Variants in ADGRV1 observed in about 807,000 individuals in gnomAD.
ADGRV1 encodes adhesion G protein-coupled receptor V1, also known as G-protein coupled receptor 98.
In ADGRV1, 359 loss-of-function variants were observed where a neutral mutation model predicts 596.2. The observed-to-expected ratio is 0.60, with a 90% CI of 0.55 to 0.66. ADGRV1 has a LOEUF of 0.66. Ranked by LOEUF, ADGRV1 falls within the 30% of genes least tolerant of loss-of-function variation. ADGRV1 has a pLI of 0.00. For synonymous variants in ADGRV1, 2,681 were observed against 2,679.2 expected (o/e 1.00, Z -0.02); for missense variants, 7,274 against 7,575.6 (o/e 0.96, Z 1.48).
At chr5:90,783,398 C>T in intron 66 of ADGRV1, 73 bp downstream of exon 66, 1 of 1,015,952 alleles carries the variant, frequency 9.8e-7, no homozygotes, top group South Asian at 1.4e-5. Flanking sequence ...ATATGTTTTG[C>T]ACTGACAATA....
Position 90,619,109 on chromosome 5 carries a change from T to G in ADGRV1, c.381T>G (p.Leu127=). 1 of 1,474,034 alleles carries G rather than the reference T, an allele frequency of 6.8e-7. No individual in the cohort carries two copies. The highest frequency in any genetic ancestry group is 9.1e-7 in the Non-Finnish European group (1 of 1,104,556). 91.3% of individuals were successfully genotyped at this position (1,474,034 alleles called of 1,614,324 possible). ...TLQKPSANVK[L]GWPRTVTVTI... Reference sequence around the variant, plus strand: ...AGAAACCTTCAGCAAATGTGAAGCTTGGATGGCCAAGGACTGTTACTGTGA... The same window carrying G: ...AGAAACCTTCAGCAAATGTGAAGCTGGGATGGCCAAGGACTGTTACTGTGA... Residue 127 remains leucine (L), a synonymous_variant, in exon 4 of 90, where the codon CTT becomes CTG. Transcript: ENST00000405460.
At chr5:91,031,433 A>G (rs991985248) in intron 85 of ADGRV1, 125 of 778,850 alleles carry the variant, frequency 1.6e-4, no homozygotes, top group Admixed American at 1.1e-4. Flanking sequence ...GGCCAGCATT[A>G]AAGAGTCACT....
intron 79 of ADGRV1, 69 bp downstream of exon 79, chr5:90,848,890 A>G: frequency 2.8e-6 from 3 of 1,088,706 alleles, no homozygotes; most frequent in South Asian, 3.2e-5. Context: ...AGCAATATGT[A>G]ATGCAAAATG....
rs190829393 is a variant in ADGRV1 at position 90,965,583 on chromosome 5, G to A, written c.17973+52G>A. On this transcript the variant is annotated intron_variant, in intron 84 of 89. Transcript: ENST00000405460. ...CCCTTTAATCTTTTAATGAATCTGG[G>A]TGGAGTGGTCTTAATGTCTGATACT... 14 of 1,051,346 alleles carry A rather than the reference G, an allele frequency of 1.3e-5. No homozygotes were observed. In the East Asian group the frequency reaches 2.9e-4, roughly 22 times the overall value. 65.1% of individuals were successfully genotyped at this position (1,051,346 alleles called of 1,614,324 possible).
At chr5:90,812,940 A>G (rs979112845) in intron 74 of ADGRV1, among the ~76,000 whole-genome samples, 10 of 151,248 alleles carry the variant, frequency 6.6e-5, no homozygotes, top group Admixed American at 4.0e-4. Context: ...GACCATCCTG[A>G]CTAACACGGT....
At chr5:90,706,463 G>A in intron 38 of ADGRV1, 69 bp downstream of exon 38, 1 of 1,337,302 alleles carries the variant, frequency 7.5e-7, no homozygotes, top group Non-Finnish European at 1.0e-6. Context: ...TATACTTTAA[G>A]TTTTAGTGTA....
intron 75 of ADGRV1, among the ~76,000 whole-genome samples, chr5:90,820,030 A>G (rs1246964664): frequency 6.6e-6 from 1 of 151,550 alleles, no homozygotes; most frequent in African/African-American, 2.4e-5. Context: ...AAAGTCTCCC[A>G]TTATTAATGT....
At chr5:91,007,561 T>A (rs898746215) in intron 85 of ADGRV1, among the ~76,000 whole-genome samples, 2 of 152,186 alleles carry the variant, frequency 1.3e-5, no homozygotes, top group African/African-American at 4.8e-5. Context: ...AATGTTTTTC[T>A]TGATAATATT....
intron 70 of ADGRV1, among the ~76,000 whole-genome samples, chr5:90,799,846 C>T (rs1299425890): frequency 6.6e-6 from 1 of 152,034 alleles, no homozygotes; most frequent in Non-Finnish European, 1.5e-5. Context: ...CCTATTTAAT[C>T]AATGCTGTTG....
intron 27 of ADGRV1, among the ~76,000 whole-genome samples, chr5:90,682,460 A>G (rs1237721760): frequency 6.6e-6 from 1 of 152,046 alleles, no homozygotes; most frequent in East Asian, 1.9e-4. Context: ...AATAACAATA[A>G]CTCTATATGA....
chr5:91,078,121 T>C (rs1789010051), intron 86 of ADGRV1, among the ~76,000 whole-genome samples: 1 of 152,190 alleles, frequency 6.6e-6, no homozygotes. Flanking sequence ...ATCTCTTACA[T>C]GGGAGCATTA....
chr5:90,580,137 A>T lies in ADGRV1; in HGVS notation c.22+21220A>T, dbSNP rs141584196. On this transcript the variant is annotated intron_variant, in intron 1 of 89. Coordinates refer to ENST00000405460, the MANE Select transcript of ADGRV1 (RefSeq NM_032119.4). ...TTTAAGGTTAATATTGTTATGTGTG[A>T]ATTTGATCCTGTCATTATGATGTTA... Among the ~76,000 whole-genome samples, 1,399 of 152,270 alleles carry T rather than the reference A, an allele frequency of 9.2e-3. 12 individuals carry two copies. Among genetic ancestry groups the T allele is most frequent in the African/African-American group, 0.032 (1,333 of 41,548 alleles).
chr5:90,709,992 C>T (rs1182271849), intron 39 of ADGRV1, among the ~76,000 whole-genome samples: 1 of 152,070 alleles, frequency 6.6e-6, no homozygotes. Context: ...CGTAATATGC[C>T]CCAAATCACA....
In ADGRV1 at chr5:91,104,922, C is replaced by T. The variant is rs376634886; in HGVS notation, c.18432+2582C>T. On this transcript the variant is annotated intron_variant, in intron 87 of 89. Transcript: ENST00000405460. ...TCACCCAGGCTGGAATGCAGTGGCG[C>T]GAACTCAGCTCACTGCAACCTCCAC... 1.4e-4 allele frequency among the ~76,000 whole-genome samples: 21 copies of T among 146,572 alleles called. No individual in the cohort carries two copies. The South Asian group carries it at 2.2e-3, about 15-fold the overall frequency.
rs573992794 is a variant in ADGRV1 at position 91,031,007 on chromosome 5, T to C, written c.18153-41440T>C. 18 of 1,483,608 alleles carry C rather than the reference T, an allele frequency of 1.2e-5. No homozygotes were observed. In the Admixed American group the frequency reaches 4.1e-4, roughly 34 times the overall value. 91.9% of individuals were successfully genotyped at this position (1,483,608 alleles called of 1,614,324 possible). ...TTTTATATGTCAATCAGTTGTAGTC[T>C]GCTGATCTGATTAGAAACCTTGACA... On this transcript the variant is annotated intron_variant, in intron 85 of 89. Transcript: ENST00000405460.
intron 83 of ADGRV1, among the ~76,000 whole-genome samples, chr5:90,875,253 A>G (rs1374820923): frequency 6.6e-6 from 1 of 152,246 alleles, no homozygotes; most frequent in African/African-American, 2.4e-5. Context: ...GTAGTGATCT[A>G]CATCTTTTAT....
At chr5:91,090,968 C>A (rs1790333135) in intron 86 of ADGRV1, among the ~76,000 whole-genome samples, 1 of 152,052 alleles carries the variant, frequency 6.6e-6, no homozygotes, top group South Asian at 2.1e-4. Flanking sequence ...TAAAAGTTTT[C>A]TTTCAAGATT....
At chr5:90,978,215 A>C (rs1002761629) in intron 84 of ADGRV1, among the ~76,000 whole-genome samples, 2 of 152,008 alleles carry the variant, frequency 1.3e-5, no homozygotes, top group African/African-American at 4.8e-5. Context: ...GAATGGCGTG[A>C]ACCCGGGAGG....
At chr5:90,669,239 G>T (rs545373555) in intron 21 of ADGRV1, among the ~76,000 whole-genome samples, 10 of 152,298 alleles carry the variant, frequency 6.6e-5, no homozygotes, top group Non-Finnish European at 1.3e-4. Context: ...AGATCCCTAA[G>T]TGGAAATTAA....
Sources: allele counts gnomAD v4.1 joint callset (sites outside exome capture counted in the v4.1 genomes callset), GRCh38; gene constraint gnomAD v4.1.1; transcripts MANE v1.5; gene names NCBI Gene and HGNC (gene_info 2026-07-23, HGNC 2026-07-21).